PCDHGA10: variants seen among roughly 807,000 people sequenced by gnomAD.
PCDHGA10 encodes protocadherin gamma subfamily A, 10.
In PCDHGA10, 42 loss-of-function variants were observed where a neutral mutation model predicts 59.5. The ratio of observed to expected loss-of-function variants is 0.71; its 90% CI spans 0.55 to 0.91. The LOEUF is 0.91. Ranked by LOEUF, PCDHGA10 falls within the 40% of genes least tolerant of loss-of-function variation. The pLI, the probability that PCDHGA10 is intolerant of heterozygous loss-of-function variation, is 0.00. For synonymous variants in PCDHGA10, 511 were observed against 517.2 expected, an observed-to-expected ratio of 0.99 and a Z score of 0.16; for missense variants, 1,111 against 1,198.2, an observed-to-expected ratio of 0.93 and a Z score of 1.07.
intron 1 of PCDHGA10, among the ~76,000 whole-genome samples, chr5:141,433,594 G>A (rs1331681563): frequency 1.3e-5 from 2 of 152,086 alleles, no homozygotes; most frequent in Admixed American, 1.3e-4. Context: ...CCAGTACTTT[G>A]GGAGGCCGAG....
chr5:141,478,826 G>A, intron 1 of PCDHGA10: 2 of 1,439,244 alleles, frequency 1.4e-6, no homozygotes, highest in Non-Finnish European at 1.8e-6. Context: ...AACCAATCTT[G>A]CTAAGGGATG....
At chr5:141,508,739 C>A (rs1344024245) in intron 3 of PCDHGA10, among the ~76,000 whole-genome samples, 1 of 152,156 alleles carries the variant, frequency 6.6e-6, no homozygotes, top group African/African-American at 2.4e-5. Context: ...ACACCCCCCA[C>A]CCCGCTCTTT....
chr5:141,414,180 A>T lies in PCDHGA10; in HGVS notation c.1005A>T (p.Ala335=). Residue 335 remains alanine (A), a synonymous_variant, in exon 1 of 4, where the codon GCA becomes GCT. Transcript: ENST00000398610. ...AEDGGAYLAT[A]KVLITVEDVN... is the part of the protein sequence containing the mutation. Reference sequence around the variant, plus strand: ...ATGGAGGAGCATATCTTGCAACTGCAAAAGTGTTGATTACAGTAGAAGATG... The same window carrying T: ...ATGGAGGAGCATATCTTGCAACTGCTAAAGTGTTGATTACAGTAGAAGATG... 1 of 1,608,986 alleles carries T rather than the reference A, an allele frequency of 6.2e-7. No homozygotes were observed. Among genetic ancestry groups the T allele is most frequent in the Non-Finnish European group, 8.5e-7 (1 of 1,177,458 alleles).
chr5:141,489,210 G>C lies in PCDHGA10; in HGVS notation c.2437-5597G>C. ...TCTACCTTGGAGACAGGACAGCACA[G>C]ACTTACTCTCCACAAAGGGACTTCT... On this transcript the variant is annotated intron_variant, in intron 1 of 3. Coordinates refer to ENST00000398610, the MANE Select transcript of PCDHGA10 (RefSeq NM_018913.3). This position sits in a 1 kb window ranked among gnomAD's most constrained non-coding sequence, Gnocchi z 4.5. 6.8e-7 allele frequency: 1 copy of C among 1,461,860 alleles called. No individual in the cohort carries two copies. Among genetic ancestry groups the C allele is most frequent in the African/African-American group, 1.4e-5 (1 of 70,802 alleles). 90.6% of individuals were successfully genotyped at this position (1,461,860 alleles called of 1,614,324 possible).
chr5:141,437,156 G>T (rs2097864365), intron 1 of PCDHGA10, among the ~76,000 whole-genome samples: 1 of 152,172 alleles, frequency 6.6e-6, no homozygotes, highest in African/African-American at 2.4e-5. Context: ...TAACATATGT[G>T]TTGATTGTTT....
At chr5:141,500,221 TTTA>T (rs1428029040) in intron 2 of PCDHGA10, among the ~76,000 whole-genome samples, 2 of 151,002 alleles carry the variant, frequency 1.3e-5, no homozygotes, top group Non-Finnish European at 2.9e-5. Flanking sequence ...TATTTATTTA[TTTA>T]TTGATACGTA....
rs369349538 is a variant in PCDHGA10, at chr5:141,415,484, G to C, written c.2309G>C (p.Ser770Thr). The change falls in exon 1 of 4, where the codon AGT becomes ACT. Residue 770 changes from serine to threonine, a missense_variant. Ser to Thr is a moderately conservative substitution (Grantham distance 58). Transcript: ENST00000398610. ...EVSLTADSRK[S>T]HLIFPQPNYA... ...TCTCTCACCGCGGACTCGCGAAAGAGTCACCTGATCTTCCCCCAGCCCAAT... is the reference window on the plus strand; with the variant it reads ...TCTCTCACCGCGGACTCGCGAAAGACTCACCTGATCTTCCCCCAGCCCAAT... The C allele has an allele frequency of 1.1e-5, 18 of 1,614,102 alleles. No homozygotes were observed. Among genetic ancestry groups the C allele is most frequent in the Non-Finnish European group, 1.5e-5 (18 of 1,180,044 alleles).
In PCDHGA10 at chr5:141,421,238, G is replaced by C. The variant is rs920128735; in HGVS notation, c.2436+5627G>C. 3.1e-6 allele frequency: 5 copies of C among 1,597,422 alleles called. No individual in the cohort carries two copies. Among genetic ancestry groups the C allele is most frequent in the African/African-American group, 2.7e-5 (2 of 74,378 alleles). ...GGCTTAGAGCCTGCCATGGCGAATC[G>C]GCTACAGCGCGGGGACCGCAGTCGG... On this transcript the variant is annotated intron_variant, in intron 1 of 3. Transcript: ENST00000398610.
chr5:141,435,444 A>G (rs1471113812), intron 1 of PCDHGA10, among the ~76,000 whole-genome samples: 1 of 152,216 alleles, frequency 6.6e-6, no homozygotes, highest in East Asian at 1.9e-4. Flanking sequence ...TTTCATTAAT[A>G]CGATATCTGT....
Position 141,511,151 on chromosome 5 carries a change from C to G in PCDHGA10, c.2789C>G (p.Ser930Trp). The change falls in exon 4 of 4, where the codon TCG becomes TGG. Residue 930 changes from serine (S) to tryptophan (W), a missense_variant. Transcript: ENST00000398610. ...PAGGNGNKKK[S>W]GKKEKK ...GGTGGCAATGGCAACAAGAAGAAGTCGGGCAAGAAGGAGAAGAAGTAACAT... is the reference window on the plus strand; with the variant it reads ...GGTGGCAATGGCAACAAGAAGAAGTGGGGCAAGAAGGAGAAGAAGTAACAT... The G allele has an allele frequency of 6.2e-7, 1 of 1,614,152 alleles. No individual in the cohort carries two copies. Among genetic ancestry groups the G allele is most frequent in the Non-Finnish European group, 8.5e-7 (1 of 1,179,994 alleles).
intron 1 of PCDHGA10, among the ~76,000 whole-genome samples, chr5:141,447,752 G>T (rs2154561873): frequency 6.6e-6 from 1 of 152,280 alleles, no homozygotes; most frequent in Admixed American, 6.5e-5. Context: ...TCTTGCATGT[G>T]ACTGTATATA....
At chr5:141,457,175 A>C (rs1447297536) in intron 1 of PCDHGA10, among the ~76,000 whole-genome samples, 2 of 152,192 alleles carry the variant, frequency 1.3e-5, no homozygotes, top group Non-Finnish European at 2.9e-5. Flanking sequence ...ACCCTATTGC[A>C]AATAGTAGAG....
At position 141,476,051 on chromosome 5, in the gene PCDHGA10, GA is replaced by G; in HGVS notation, c.2437-18753del. On this transcript the variant is annotated intron_variant, in intron 1 of 3. Transcript: ENST00000398610. This position sits in a 1 kb window ranked among gnomAD's most constrained non-coding sequence, Gnocchi z 7.6. ...CCCAGCGCCCAAGCGCTAACCCGCT[GA>G]AAGTTTCTCAGCGAAATCTCAGGGA... 1.3e-6 allele frequency: 2 copies of G among 1,504,270 alleles called. No individual in the cohort carries two copies. The highest frequency in any genetic ancestry group is 1.8e-6 in the Non-Finnish European group (2 of 1,133,694). The allele number at this position is 1,504,270 out of a possible 1,614,324, so 93.2% of individuals were successfully genotyped here.
intron 1 of PCDHGA10, among the ~76,000 whole-genome samples, chr5:141,469,186 G>T (rs536021769): frequency 6.6e-6 from 1 of 151,978 alleles, no homozygotes; most frequent in Admixed American, 6.6e-5. Flanking sequence ...TGAGGCAAGA[G>T]GATTGCTTGA....
chr5:141,511,345 T>TC lies in PCDHGA10; in HGVS notation c.*179dup, dbSNP rs535135679. The TC allele has an allele frequency of 6.6e-4, 924 of 1,410,366 alleles. 3 individuals are homozygous for TC. The African/African-American group carries it at 0.011, about 17-fold the overall frequency. 87.4% of individuals were successfully genotyped at this position (1,410,366 alleles called of 1,614,324 possible). ...AAGTGCCCAGTCAGCACCTACCCCT[T>TC]CCCCCCCAGGGGGTTGAATATGCAA... On this transcript the variant is annotated 3_prime_UTR_variant, in exon 4 of 4. Coordinates refer to ENST00000398610, the MANE Select transcript of PCDHGA10 (RefSeq NM_018913.3).
intron 3 of PCDHGA10, chr5:141,507,166 GTCC>G (rs1475125845): frequency 6.6e-5 from 10 of 152,288 alleles, no homozygotes; most frequent in Non-Finnish European, 1.2e-4. Context: ...ATGAGAGGCT[GTCC>G]TCTTCCTCGA....
chr5:141,494,182 C>A (rs188628485), intron 1 of PCDHGA10, among the ~76,000 whole-genome samples: 1 of 152,126 alleles, frequency 6.6e-6, no homozygotes, highest in Non-Finnish European at 1.5e-5. Context: ...AGAAGTGTCC[C>A]GGGACTTGGA....
At chr5:141,470,694 A>T (rs763715272) in intron 1 of PCDHGA10, among the ~76,000 whole-genome samples, 1 of 151,978 alleles carries the variant, frequency 6.6e-6, no homozygotes, top group African/African-American at 2.4e-5. Flanking sequence ...GAAATTCTTA[A>T]TAATTTTTAT....
At chr5:141,488,208 C>T (rs2099672939) in intron 1 of PCDHGA10, among the ~76,000 whole-genome samples, 1 of 152,152 alleles carries the variant, frequency 6.6e-6, no homozygotes, top group African/African-American at 2.4e-5. Flanking sequence ...GGACTCATAT[C>T]AAGTCCCTAC....
Sources: allele counts gnomAD v4.1 joint callset (sites outside exome capture counted in the v4.1 genomes callset), GRCh38; gene constraint gnomAD v4.1.1; non-coding constraint Gnocchi (gnomAD v3.1); transcripts MANE v1.5; gene names NCBI Gene and HGNC (gene_info 2026-07-23, HGNC 2026-07-21).